TSFM: variants seen among roughly 807,000 people sequenced by gnomAD.
TSFM encodes the protein Ts translation elongation factor, mitochondrial, also known as elongation factor Ts, mitochondrial.
TSFM carries 29 observed loss-of-function variants against 33.4 expected under a neutral mutation model. That is an observed-to-expected ratio of 0.87 (90% CI 0.65 to 1.18). The LOEUF is 1.18. Among genes scored for constraint, TSFM ranks in the 50% most tolerant of loss-of-function variants. The pLI is 0.00. For missense variants in TSFM, 394 were observed against 395.6 expected (o/e 1.00, Z 0.04); for synonymous variants, 178 against 163.5 (o/e 1.09, Z -0.68).
intron 2 of TSFM, 135 bp downstream of exon 2, chr12:57,783,418 T>A: frequency 8.8e-7 from 1 of 1,139,846 alleles, no homozygotes; most frequent in Non-Finnish European, 1.3e-6. Flanking sequence ...AAATCTGGCT[T>A]AAATGACAAC....
chr12:57,785,790 T>A (rs1244238042), intron 2 of TSFM, among the ~76,000 whole-genome samples: 1 of 152,226 alleles, frequency 6.6e-6, no homozygotes, highest in East Asian at 1.9e-4. Flanking sequence ...AGGTAATATG[T>A]TGCCCTACAA....
At chr12:57,795,130 G>A (rs1294736196) in intron 5 of TSFM, among the ~76,000 whole-genome samples, 1 of 141,786 alleles carries the variant, frequency 7.1e-6, no homozygotes, top group Non-Finnish European at 1.5e-5. Flanking sequence ...ATGGAGTTTT[G>A]CTCTTGTTGC....
rs1181142265 is a variant in TSFM at position 57,783,004 on chromosome 12, C to G, written c.58-106C>G. 2.7e-6 allele frequency: 4 copies of G among 1,485,158 alleles called. No individual in the cohort carries two copies. In the South Asian group the frequency reaches 3.8e-5, roughly 14 times the overall value. The allele number at this position is 1,485,158 out of a possible 1,614,324, so 92.0% of individuals were successfully genotyped here. A position where few individuals can be genotyped will look rare whatever the true frequency, so the allele number is the denominator to read the frequency against. ...TGCCCAGTCCAGCCCCGGTGCACCCCCCTTTGCACACTGTCCGCTCCCTAA... is the reference window on the plus strand; with the variant it reads ...TGCCCAGTCCAGCCCCGGTGCACCCGCCTTTGCACACTGTCCGCTCCCTAA... On this transcript the variant is annotated intron_variant, in intron 1 of 5. Transcript: ENST00000652027.
At chr12:57,789,393 AT>A (rs965851319) in intron 4 of TSFM, among the ~76,000 whole-genome samples, 1 of 151,426 alleles carries the variant, frequency 6.6e-6, no homozygotes, top group Non-Finnish European at 1.5e-5. Flanking sequence ...CACATTTAGG[AT>A]TTTTTTTTCT....
intron 4 of TSFM, among the ~76,000 whole-genome samples, chr12:57,788,036 C>G (rs1219400357): frequency 1.3e-5 from 2 of 152,146 alleles, no homozygotes; most frequent in African/African-American, 4.8e-5. Context: ...AGCCTTATTG[C>G]CAAGGCAAAG....
At chr12:57,796,109 C>T (rs1412901722) in intron 5 of TSFM, 68 bp from the exon 6 acceptor site, 11 of 1,419,168 alleles carry the variant, frequency 7.8e-6, no homozygotes, top group African/African-American at 2.9e-5. Context: ...CTCTTCTGTG[C>T]ATATTTTGGT....
chr12:57,798,826 A>G (rs1232463632), downstream of TSFM, among the ~76,000 whole-genome samples: 1 of 152,054 alleles, frequency 6.6e-6, no homozygotes, highest in Non-Finnish European at 1.5e-5. Context: ...CATATTGGCC[A>G]GGCCAGTCTC....
At chr12:57,790,144 A>C (rs577361671) in intron 4 of TSFM, among the ~76,000 whole-genome samples, 1 of 134,448 alleles carries the variant, frequency 7.4e-6, no homozygotes, top group South Asian at 2.2e-4. Flanking sequence ...GCTCGCTGCT[A>C]CCTCTGCCTC....
chr12:57,798,773 C>T (rs1006762432), downstream of TSFM, among the ~76,000 whole-genome samples: 15 of 152,042 alleles, frequency 9.9e-5, no homozygotes, highest in South Asian at 2.1e-4. Flanking sequence ...CCCACCACCA[C>T]GCCTGGCTAA....
intron 4 of TSFM, among the ~76,000 whole-genome samples, chr12:57,792,454 G>C (rs1016544587): frequency 2.0e-5 from 3 of 152,206 alleles, no homozygotes; most frequent in Non-Finnish European, 4.4e-5. Flanking sequence ...TAGGCTGGAG[G>C]ATGAGAGTGG....
downstream of TSFM, chr12:57,802,259 G>A (rs779740541): frequency 1.5e-5 from 24 of 1,614,000 alleles, no homozygotes; most frequent in East Asian, 2.2e-5. Flanking sequence ...GATCTCGGCC[G>A]CTGGGGTGAG....
chr12:57,801,464 G>C (rs1955846706), downstream of TSFM: 1 of 314,270 alleles, frequency 3.2e-6, no homozygotes, highest in Non-Finnish European at 6.0e-6. Context: ...TGAAGGCCAG[G>C]CACAGTGGCT....
At chr12:57,793,978 T>C (rs1004301310) in intron 5 of TSFM, among the ~76,000 whole-genome samples, 18 of 152,230 alleles carry the variant, frequency 1.2e-4, no homozygotes, top group African/African-American at 4.3e-4. Context: ...GGGACTAGCA[T>C]CTTGCTTTCT....
chr12:57,786,786 T>G (rs892205386), intron 3 of TSFM, among the ~76,000 whole-genome samples: 2 of 152,202 alleles, frequency 1.3e-5, no homozygotes, highest in African/African-American at 4.8e-5. Flanking sequence ...GGTGAACTTG[T>G]GGTGAGTCCT....
At chr12:57,783,642 G>C in intron 2 of TSFM, 1 of 565,146 alleles carries the variant, frequency 1.8e-6, no homozygotes, top group Non-Finnish European at 3.4e-6. Context: ...GGCCCAGGCC[G>C]GCGTGCAATG....
chr12:57,794,152 A>C (rs979141143), intron 5 of TSFM, among the ~76,000 whole-genome samples: 2 of 152,254 alleles, frequency 1.3e-5, no homozygotes, highest in Non-Finnish European at 1.5e-5. Flanking sequence ...CCAGGCAGAC[A>C]GCTATGTATG....
rs770248416 is a variant in TSFM, at chr12:57,783,119, C to T, written c.67C>T (p.Leu23Phe). The T allele has an allele frequency of 1.2e-6, 2 of 1,610,242 alleles. No homozygotes were observed. Among genetic ancestry groups the T allele is most frequent in the Non-Finnish European group, 1.7e-6 (2 of 1,179,606 alleles). ...TTCTTATCTCATCTAGGCTGGGTCT[C>T]TTCTGCGTCAGTCGCCCCAGCCAAG... ...ARTGSYPAGS[L>F]LRQSPQPRHT... Residue 23 changes from leucine to phenylalanine, a missense_variant, in exon 2 of 6, where the codon CTT becomes TTT. Leu to Phe is a conservative substitution (Grantham distance 22). Transcript: ENST00000652027.
In TSFM at chr12:57,797,056, T is replaced by C. The variant is rs971289071; in HGVS notation, c.*473T>C. 3 of 985,458 alleles carry C rather than the reference T, an allele frequency of 3.0e-6. No homozygotes were observed. The African/African-American group carries it at 5.2e-5, about 17-fold the overall frequency. 61.0% of individuals were successfully genotyped at this position (985,458 alleles called of 1,614,324 possible). A position where few individuals can be genotyped will look rare whatever the true frequency, so the allele number is the denominator to read the frequency against. Reference sequence around the variant, plus strand: ...GTTGTCTGGAAAATGTGGGTTCTCTTCTTTGTGATTGTCTGTAGTATGCTT... The same window carrying C: ...GTTGTCTGGAAAATGTGGGTTCTCTCCTTTGTGATTGTCTGTAGTATGCTT... On this transcript the variant is annotated 3_prime_UTR_variant, in exon 6 of 6. Transcript: ENST00000652027.
rs555105905 is a variant in TSFM, at chr12:57,796,907, C to G, written c.*324C>G. ...ATGTTCTGTCTTACACCTTTTATGA[C>G]ATAGAACTCTTTTGTTCTGTTTTTG... On this transcript the variant is annotated 3_prime_UTR_variant, in exon 6 of 6. Coordinates refer to ENST00000652027, the MANE Select transcript of TSFM (RefSeq NM_005726.6). 9.9e-7 allele frequency: 1 copy of G among 1,012,350 alleles called. No individual in the cohort carries two copies. The highest frequency in any genetic ancestry group is 1.2e-6 in the Non-Finnish European group (1 of 848,586). The allele number at this position is 1,012,350 out of a possible 1,614,324, so 62.7% of individuals were successfully genotyped here. A position where few individuals can be genotyped will look rare whatever the true frequency, so the allele number is the denominator to read the frequency against.
Sources: allele counts gnomAD v4.1 joint callset (sites outside exome capture counted in the v4.1 genomes callset), GRCh38; gene constraint gnomAD v4.1.1; transcripts MANE v1.5; gene names NCBI Gene and HGNC (gene_info 2026-07-23, HGNC 2026-07-21).